CPT1A: variants seen among roughly 807,000 people sequenced by gnomAD.
The protein encoded by CPT1A is carnitine O-palmitoyltransferase 1, liver isoform.
CPT1A carries 64 observed loss-of-function variants against 100.8 expected under a neutral mutation model. The observed-to-expected ratio is 0.63, with a 90% confidence interval of 0.52 to 0.78. CPT1A has a LOEUF of 0.78. Ranked by LOEUF, CPT1A falls within the 30% of genes least tolerant of loss-of-function variation. CPT1A has a pLI of 0.00. For missense variants in CPT1A, 802 were observed against 1,034.1 expected (o/e 0.78, Z 3.08); for synonymous variants, 363 against 396.0 (o/e 0.92, Z 0.99).
chr11:68,830,987 A>G (rs74981603), intron 1 of CPT1A, among the ~76,000 whole-genome samples: 3,539 of 152,302 alleles, frequency 0.023, 53 homozygotes, highest in Non-Finnish European at 0.034. Flanking sequence ...TGAATGCTAC[A>G]TCAACAATCG....
chr11:68,841,716 C>T lies in CPT1A; in HGVS notation c.-14+59G>A, dbSNP rs1857163864. ...AGCCCCGCGCCCCGCCCGTCCCCGGCCCCCGCAGCCCGCAGGGCCGCCCCG... is the reference window on the plus strand; with the variant it reads ...AGCCCCGCGCCCCGCCCGTCCCCGGTCCCCGCAGCCCGCAGGGCCGCCCCG... On this transcript the variant is annotated intron_variant, in intron 1 of 18. Transcript: ENST00000265641. This position sits in a 1 kb window ranked among gnomAD's most constrained non-coding sequence, Gnocchi z 6.3. 11 of 885,592 alleles carry T rather than the reference C, an allele frequency of 1.2e-5. No individual in the cohort carries two copies. Among genetic ancestry groups the T allele is most frequent in the Middle Eastern group, 5.7e-4 (1 of 1,766 alleles). The allele number at this position is 885,592 out of a possible 1,614,324, so 54.9% of individuals were successfully genotyped here.
chr11:68,838,327 G>A (rs1363666952), intron 1 of CPT1A, among the ~76,000 whole-genome samples: 1 of 151,986 alleles, frequency 6.6e-6, no homozygotes, highest in Admixed American at 6.6e-5. Context: ...AGGGTAGCTG[G>A]CCTCAGCCCA....
chr11:68,764,997 G>T (rs1302830403), intron 14 of CPT1A, among the ~76,000 whole-genome samples: 1 of 152,176 alleles, frequency 6.6e-6, no homozygotes, highest in African/African-American at 2.4e-5. Flanking sequence ...CGACACTCAA[G>T]ATTCCCTTGG....
Position 68,819,520 on chromosome 11 carries a change from TCTC to T in CPT1A, c.-13-4036_-13-4034del, listed in dbSNP as rs200561077. 8.3e-3 allele frequency among the ~76,000 whole-genome samples: 1,262 copies of T among 152,228 alleles called. 15 individuals are homozygous for T. The highest frequency in any genetic ancestry group is 0.029 in the African/African-American group (1,195 of 41,530). ...GGCTACCTCTGCACGATTGATAAGA[TCTC>T]CTGGGCTTCATACAGAACACAAAGG... On this transcript the variant is annotated intron_variant, in intron 1 of 18. Coordinates refer to ENST00000265641, the MANE Select transcript of CPT1A (RefSeq NM_001876.4).
chr11:68,803,045 G>A (rs928642821), intron 5 of CPT1A, among the ~76,000 whole-genome samples: 1 of 152,248 alleles, frequency 6.6e-6, no homozygotes, highest in Non-Finnish European at 1.5e-5. Context: ...TCCTCAGACC[G>A]GCTAGAAGCT....
At chr11:68,814,316 GTTTT>G (rs1856314709) in intron 2 of CPT1A, among the ~76,000 whole-genome samples, 1 of 152,090 alleles carries the variant, frequency 6.6e-6, no homozygotes, top group East Asian at 1.9e-4. Flanking sequence ...TTTTTTGTTT[GTTTT>G]TTTTGAGACA....
At chr11:68,773,475 G>T (rs1286005419) in intron 13 of CPT1A, 46 bp from the exon 14 acceptor site, 1 of 1,613,242 alleles carries the variant, frequency 6.2e-7, no homozygotes, top group East Asian at 2.2e-5. Flanking sequence ...GGGGAGAAAA[G>T]TACTGACGCA....
intron 1 of CPT1A, among the ~76,000 whole-genome samples, chr11:68,837,603 C>T (rs946840092): frequency 6.6e-6 from 1 of 152,172 alleles, no homozygotes; most frequent in Non-Finnish European, 1.5e-5. Flanking sequence ...CCCTGCCTCC[C>T]TCACAGGAAC....
chr11:68,756,776 A>G lies in CPT1A; in HGVS notation c.*868T>C, dbSNP rs922674099. 1.3e-5 allele frequency: 2 copies of G among 152,152 alleles called. No individual in the cohort carries two copies. Among genetic ancestry groups the G allele is most frequent in the Non-Finnish European group, 2.9e-5 (2 of 68,034 alleles). 9.4% of individuals were successfully genotyped at this position (152,152 alleles called of 1,614,324 possible). A position where few individuals can be genotyped will look rare whatever the true frequency, so the allele number is the denominator to read the frequency against. On this transcript the variant is annotated 3_prime_UTR_variant, in exon 19 of 19. Coordinates refer to ENST00000265641, the MANE Select transcript of CPT1A (RefSeq NM_001876.4). Reference sequence around the variant, plus strand: ...GTTATTTCTTTTGTTGCTTATGATGACAAGAAGGCAGTCCCGGGAGGGGAG... The same window carrying G: ...GTTATTTCTTTTGTTGCTTATGATGGCAAGAAGGCAGTCCCGGGAGGGGAG...
Position 68,797,030 on chromosome 11 carries a change from C to A in CPT1A, c.694-97G>T, listed in dbSNP as rs1466546786. The A allele has an allele frequency of 3.4e-6, 4 of 1,193,822 alleles. No homozygotes were observed. The African/African-American group carries it at 6.0e-5, about 18-fold the overall frequency. 74.0% of individuals were successfully genotyped at this position (1,193,822 alleles called of 1,614,324 possible). A position where few individuals can be genotyped will look rare whatever the true frequency, so the allele number is the denominator to read the frequency against. On this transcript the variant is annotated intron_variant, in intron 6 of 18. Transcript: ENST00000265641. ...GAGCCGCGGGGAAGGGCAGGCAGTG[C>A]TTTTGGCAGACATTTCGGCGTCTAA...
intron 4 of CPT1A, among the ~76,000 whole-genome samples, chr11:68,804,539 G>T (rs1280378978): frequency 6.6e-6 from 1 of 151,784 alleles, no homozygotes; most frequent in Admixed American, 6.6e-5. Flanking sequence ...AGTGAGCCAT[G>T]ATCATACCAC....
At chr11:68,813,690 CTG>C (rs1856289283) in intron 2 of CPT1A, among the ~76,000 whole-genome samples, 1 of 113,496 alleles carries the variant, frequency 8.8e-6, no homozygotes, top group South Asian at 3.9e-4. Context: ...GAGCAAGACC[CTG>C]TCTCAAAAAA....
chr11:68,763,911 G>A (rs1854711405), intron 14 of CPT1A, among the ~76,000 whole-genome samples: 1 of 152,154 alleles, frequency 6.6e-6, no homozygotes, highest in East Asian at 1.9e-4. Context: ...GGTAAGTTCA[G>A]GGGGACCAGG....
At chr11:68,834,799 A>T (rs1856967922) in intron 1 of CPT1A, among the ~76,000 whole-genome samples, 1 of 152,102 alleles carries the variant, frequency 6.6e-6, no homozygotes, top group African/African-American at 2.4e-5. Context: ...CAGGAGTTTG[A>T]GACCAGCCTG....
At chr11:68,786,096 C>T (rs1855456453) in intron 9 of CPT1A, 1 of 701,600 alleles carries the variant, frequency 1.4e-6, no homozygotes, top group Admixed American at 2.0e-5. Flanking sequence ...GGAGCAGTGG[C>T]TCACCCTGTA....
chr11:68,818,197 C>A (rs1856485118), intron 1 of CPT1A, among the ~76,000 whole-genome samples: 1 of 152,090 alleles, frequency 6.6e-6, no homozygotes, highest in African/African-American at 2.4e-5. Context: ...ATGACCCACA[C>A]AAGACAGTCT....
intron 4 of CPT1A, 70 bp from the exon 5 acceptor site, chr11:68,804,171 T>C (rs530720126): frequency 8.3e-7 from 1 of 1,205,690 alleles, no homozygotes; most frequent in African/African-American, 1.5e-5. Context: ...TCGTCTGATC[T>C]CGTGAAGCTA....
chr11:68,785,336 G>T (rs1252690232), intron 9 of CPT1A, among the ~76,000 whole-genome samples: 1 of 152,032 alleles, frequency 6.6e-6, no homozygotes, highest in African/African-American at 2.4e-5. Context: ...TGAGGTGAGA[G>T]GATCGTTTGA....
intron 9 of CPT1A, among the ~76,000 whole-genome samples, chr11:68,785,544 G>C (rs1427432740): frequency 7.4e-6 from 1 of 135,452 alleles, no homozygotes; most frequent in Non-Finnish European, 1.5e-5. Flanking sequence ...CTGGGTAACA[G>C]AGTGATACTC....
Sources: gnomAD v4.1 joint callset for allele counts (sites outside exome capture counted in the v4.1 genomes callset) on GRCh38, gnomAD v4.1.1 for gene constraint, Gnocchi (gnomAD v3.1) non-coding constraint, MANE v1.5 for transcripts, NCBI Gene and HGNC (gene_info 2026-07-23, HGNC 2026-07-21) for gene names.